SPTLC3: variants seen among roughly 807,000 people sequenced by gnomAD.
SPTLC3 encodes serine palmitoyltransferase 3.
Under a neutral mutation model 59.3 loss-of-function variants are expected in SPTLC3, and 36 were observed. The ratio of observed to expected loss-of-function variants is 0.61; its 90% CI spans 0.47 to 0.80. The LOEUF is 0.80. Ranked by LOEUF, SPTLC3 falls within the 30% of genes least tolerant of loss-of-function variation. The probability of loss-of-function intolerance (pLI) is 0.00; values close to 1 mark genes in which losing one functional copy is unlikely to be tolerated. For synonymous variants in SPTLC3, 257 were observed against 240.8 expected (o/e 1.07, Z -0.62); for missense variants, 625 against 685.1 (o/e 0.91, Z 0.98).
At chr20:13,123,351 C>A (rs2037913001) in intron 8 of SPTLC3, among the ~76,000 whole-genome samples, 1 of 151,264 alleles carries the variant, frequency 6.6e-6, no homozygotes, top group Non-Finnish European at 1.5e-5. Flanking sequence ...AAGTCACCAA[C>A]TGCATCAGGT....
At chr20:13,014,828 T>C (rs1422087747) in intron 1 of SPTLC3, among the ~76,000 whole-genome samples, 1 of 150,306 alleles carries the variant, frequency 6.7e-6, no homozygotes, top group Non-Finnish European at 1.5e-5. Flanking sequence ...CCAATTCCGG[T>C]CCATAATCAG....
At position 13,082,259 on chromosome 20, in the gene SPTLC3, T is replaced by C. The variant is rs535565353; in HGVS notation, c.607+7762T>C. Among the ~76,000 whole-genome samples the C allele has an allele frequency of 4.6e-5, 7 of 152,210 alleles. No individual in the cohort carries two copies. In the South Asian group the frequency reaches 1.2e-3, roughly 27 times the overall value. On this transcript the variant is annotated intron_variant, in intron 4 of 11. Coordinates refer to ENST00000399002, the MANE Select transcript of SPTLC3 (RefSeq NM_018327.4). Reference sequence around the variant, plus strand: ...GATGAGACACATGAAGCCCCAGAGATTTTTAATGACTTGCCAGTCAATGTT... The same window carrying C: ...GATGAGACACATGAAGCCCCAGAGACTTTTAATGACTTGCCAGTCAATGTT...
At chr20:13,101,897 G>A (rs1443107959) in intron 6 of SPTLC3, among the ~76,000 whole-genome samples, 1 of 152,058 alleles carries the variant, frequency 6.6e-6, no homozygotes, top group East Asian at 1.9e-4. Flanking sequence ...GGCAACCTCG[G>A]TCCTCAAGTG....
rs1491183457 is a variant in SPTLC3, at chr20:13,168,950, CAT to C, written c.*4084_*4085del. ...GGTGTCCTGATGTACGTGGGGTGTG[CAT>C]GTGTGTGTGTGTGTGTGTGCATGTG... On this transcript the variant is annotated 3_prime_UTR_variant, in exon 12 of 12. Coordinates refer to ENST00000399002, the MANE Select transcript of SPTLC3 (RefSeq NM_018327.4). 10 of 148,506 alleles carry C rather than the reference CAT, an allele frequency of 6.7e-5. No homozygotes were observed. The highest frequency in any genetic ancestry group is 1.4e-4 in the Non-Finnish European group (9 of 66,490). 9.2% of individuals were successfully genotyped at this position (148,506 alleles called of 1,614,324 possible).
intron 9 of SPTLC3, among the ~76,000 whole-genome samples, chr20:13,133,926 G>A (rs964377344): frequency 6.6e-6 from 1 of 152,110 alleles, no homozygotes; most frequent in African/African-American, 2.4e-5. Context: ...TTATTCAAAG[G>A]GCCTCAATCC....
chr20:13,022,309 A>G (rs1985925947), intron 1 of SPTLC3, among the ~76,000 whole-genome samples: 1 of 152,032 alleles, frequency 6.6e-6, no homozygotes, highest in Admixed American at 6.6e-5. Context: ...AGCCCCCTTT[A>G]TCTCTCACCT....
At chr20:13,046,058 G>C (rs1441792386) in intron 1 of SPTLC3, among the ~76,000 whole-genome samples, 1 of 152,146 alleles carries the variant, frequency 6.6e-6, no homozygotes, top group East Asian at 1.9e-4. Context: ...GTCAGCCAAA[G>C]GGGTTAATTT....
At chr20:13,102,942 C>A (rs1277826057) in intron 6 of SPTLC3, among the ~76,000 whole-genome samples, 1 of 152,160 alleles carries the variant, frequency 6.6e-6, no homozygotes, top group African/African-American at 2.4e-5. Flanking sequence ...CAGGCCCTGT[C>A]CCTAGCACCT....
chr20:13,143,960 T>C (rs532921096), intron 9 of SPTLC3, among the ~76,000 whole-genome samples: 4 of 152,348 alleles, frequency 2.6e-5, no homozygotes, highest in African/African-American at 9.6e-5. Context: ...TCCTGATCCA[T>C]GCACTATACA....
intron 4 of SPTLC3, among the ~76,000 whole-genome samples, chr20:13,086,150 ATGT>A (rs919739042): frequency 1.1e-4 from 16 of 152,268 alleles, no homozygotes; most frequent in African/African-American, 3.9e-4. Flanking sequence ...CAAAGACAAA[ATGT>A]TGTACTTGAT....
chr20:13,040,046 CGTGTGT>C (rs3038800), intron 1 of SPTLC3, among the ~76,000 whole-genome samples: 372 of 147,978 alleles, frequency 2.5e-3, no homozygotes, highest in East Asian at 6.2e-3. Flanking sequence ...TATGCATGTA[CGTGTGT>C]GTGTGTGTGT....
At chr20:13,093,610 G>A (rs1285833453) in intron 6 of SPTLC3, 33 bp downstream of exon 6, 1 of 1,584,018 alleles carries the variant, frequency 6.3e-7, no homozygotes, top group African/African-American at 1.3e-5. Flanking sequence ...AACATGTACT[G>A]GATTGCTCCT....
intron 7 of SPTLC3, among the ~76,000 whole-genome samples, chr20:13,112,656 A>G (rs1004649403): frequency 3.3e-5 from 5 of 152,196 alleles, no homozygotes; most frequent in Non-Finnish European, 2.9e-5. Context: ...CCTTCACAAG[A>G]AAGTTCCTTT....
chr20:13,052,355 T>G (rs543478544), intron 2 of SPTLC3, among the ~76,000 whole-genome samples: 1 of 152,234 alleles, frequency 6.6e-6, no homozygotes, highest in South Asian at 2.1e-4. Flanking sequence ...ATACTACACT[T>G]TTCCCACAGT....
chr20:13,148,913 G>A (rs2122930232), intron 9 of SPTLC3, among the ~76,000 whole-genome samples: 1 of 152,350 alleles, frequency 6.6e-6, no homozygotes, highest in Non-Finnish European at 1.5e-5. Flanking sequence ...GCCAGATGCA[G>A]TAGTAAACAC....
At chr20:13,089,802 AAAC>A (rs1189873270) in intron 4 of SPTLC3, among the ~76,000 whole-genome samples, 5 of 149,726 alleles carry the variant, frequency 3.3e-5, no homozygotes, top group African/African-American at 1.2e-4. Flanking sequence ...AAAAAAAAAA[AAAC>A]AAAACAATGT....
At chr20:13,031,272 G>A (rs1210430939) in intron 1 of SPTLC3, among the ~76,000 whole-genome samples, 8 of 152,116 alleles carry the variant, frequency 5.3e-5, no homozygotes, top group Admixed American at 1.3e-4. Flanking sequence ...CTTGAAATGT[G>A]GCTAGTGCAA....
intron 1 of SPTLC3, among the ~76,000 whole-genome samples, chr20:13,034,086 G>T (rs1451756238): frequency 6.6e-6 from 1 of 152,182 alleles, no homozygotes; most frequent in Non-Finnish European, 1.5e-5. Context: ...GAACATCAGA[G>T]ATCAGGCAGA....
rs747564677 is a variant in SPTLC3, at chr20:13,117,514, G to T, written c.941G>T (p.Gly314Val). The T allele has an allele frequency of 5.7e-6, 9 of 1,592,302 alleles. No individual in the cohort carries two copies. Among genetic ancestry groups the T allele is most frequent in the Non-Finnish European group, 4.3e-6 (5 of 1,169,636 alleles). Reference protein sequence around the residue: ...ILVEGVYSMEGSIVHLPQIIA... With the variant: ...ILVEGVYSMEVSIVHLPQIIA... Reference sequence around the variant, plus strand: ...TTCTCCTTCTGCCCTAGCATGGAAGGTTCCATCGTGCATCTGCCCCAGATC... The same window carrying T: ...TTCTCCTTCTGCCCTAGCATGGAAGTTTCCATCGTGCATCTGCCCCAGATC... The change falls in exon 8 of 12, where the codon GGT (glycine) becomes GTT (valine). Residue 314 changes from glycine to valine, a missense_variant. Physicochemically the swap from Gly to Val is moderately radical, Grantham distance 109. Coordinates refer to ENST00000399002, the MANE Select transcript of SPTLC3 (RefSeq NM_018327.4).
Sources: gnomAD v4.1 joint callset for allele counts (sites outside exome capture counted in the v4.1 genomes callset) on GRCh38, gnomAD v4.1.1 for gene constraint, MANE v1.5 for transcripts, NCBI Gene and HGNC (gene_info 2026-07-23, HGNC 2026-07-21) for gene names.